The following PCDHGB3 variants were observed in gnomAD, a reference collection of about 807,000 sequenced individuals.
PCDHGB3 encodes the protein protocadherin gamma subfamily B, 3.
Under a neutral mutation model 59.2 loss-of-function variants are expected in PCDHGB3, and 40 were observed. That is an observed-to-expected ratio of 0.68 (90% CI 0.52 to 0.88). The LOEUF (loss-of-function observed/expected upper bound fraction) is 0.88, where lower values mean the gene tolerates loss of function less well. PCDHGB3 is among the 40% of genes least tolerant of loss of function. PCDHGB3 has a pLI of 0.00. For synonymous variants in PCDHGB3, 581 were observed against 503.6 expected (o/e 1.15, Z -2.06); for missense variants, 1,309 against 1,187.9 (o/e 1.10, Z -1.50).
intron 1 of PCDHGB3, among the ~76,000 whole-genome samples, chr5:141,446,065 G>T (rs1285093512): frequency 2.0e-5 from 3 of 152,306 alleles, no homozygotes; most frequent in African/African-American, 7.2e-5. Flanking sequence ...GATTAAAGGG[G>T]AGGCAGTGGA....
In PCDHGB3 at chr5:141,394,565, T is replaced by C. The variant is rs199836246; in HGVS notation, c.2415+21756T>C. ...AGCTGGCGCCCCGCTCCGCAGAGCG[T>C]GGCTACCTGGTGACCAAGGTGGTGG... On this transcript the variant is annotated intron_variant, in intron 1 of 3. Transcript: ENST00000576222. The C allele has an allele frequency of 4.7e-3, 7,555 of 1,612,722 alleles. 48 individuals carry two copies. The highest frequency in any genetic ancestry group is 9.5e-3 in the Admixed American group (567 of 59,986).
chr5:141,475,989 A>G, intron 1 of PCDHGB3: 1 of 1,130,622 alleles, frequency 8.8e-7, no homozygotes, highest in Non-Finnish European at 1.3e-6. Flanking sequence ...CCGGCGAGCA[A>G]ATCAACGGCA....
intron 1 of PCDHGB3, among the ~76,000 whole-genome samples, chr5:141,488,554 T>C (rs1313975033): frequency 6.6e-6 from 1 of 152,064 alleles, no homozygotes; most frequent in African/African-American, 2.4e-5. Context: ...CAGCTGACAT[T>C]GAGATTTCCG....
At position 141,370,282 on chromosome 5, in the gene PCDHGB3, G is replaced by C. The variant is rs1485340521; in HGVS notation, c.-113G>C. 2.1e-6 allele frequency: 2 copies of C among 938,746 alleles called. No homozygotes were observed. The highest frequency in any genetic ancestry group is 2.6e-5 in the East Asian group (1 of 38,810). The allele number at this position is 938,746 out of a possible 1,614,324, so 58.2% of individuals were successfully genotyped here. On this transcript the variant is annotated 5_prime_UTR_variant, in exon 1 of 4. Transcript: ENST00000576222. ...CTTCCTGCAGCGGAGACACCCATTA[G>C]AGAACCCAAGCACAAAGACAAAGCA...
intron 1 of PCDHGB3, among the ~76,000 whole-genome samples, chr5:141,462,035 C>G (rs35674654): frequency 2.0e-5 from 3 of 152,076 alleles, no homozygotes; most frequent in Non-Finnish European, 4.4e-5. Context: ...GTTGGTCAGG[C>G]GGGTCTTGAA....
rs773703641 is a variant in PCDHGB3, at chr5:141,477,856, G to A, written c.2416-16951G>A. On this transcript the variant is annotated intron_variant, in intron 1 of 3. Transcript: ENST00000576222. The surrounding 1 kb of genome is among the most constrained non-coding windows in gnomAD (Gnocchi z 4.9). ...CAGGTGGGAGCTCGGTGGAGATGCT[G>A]CCTCGAGGTACCTCAGCTGGCCACC... is the stretch of plus-strand genomic sequence containing the variant. 6.2e-7 allele frequency: 1 copy of A among 1,613,592 alleles called. No homozygotes were observed. Among genetic ancestry groups the A allele is most frequent in the Admixed American group, 1.7e-5 (1 of 59,976 alleles).
rs143138320 is a variant in PCDHGB3 at position 141,489,458 on chromosome 5, G to C, written c.2416-5349G>C. The stretch of plus-strand genomic sequence containing the variant: ...CAATTGGGCTCTGAGGAGAATGGGC[G>C]CTATTTTTCCCTGAGCTTGATGAGT... On this transcript the variant is annotated intron_variant, in intron 1 of 3. Coordinates refer to ENST00000576222, the MANE Select transcript of PCDHGB3 (RefSeq NM_018924.5). The surrounding 1 kb of genome is among the most constrained non-coding windows in gnomAD (Gnocchi z 4.5). 3.7e-6 allele frequency: 6 copies of C among 1,613,924 alleles called. No individual in the cohort carries two copies. The highest frequency in any genetic ancestry group is 5.1e-6 in the Non-Finnish European group (6 of 1,180,000).
At chr5:141,500,500 C>T (rs6872480) in intron 2 of PCDHGB3, among the ~76,000 whole-genome samples, 1,599 of 152,210 alleles carry the variant, frequency 0.011, 36 homozygotes, top group African/African-American at 0.036. Context: ...TGAGCCACCG[C>T]GCCTGGCCGA....
chr5:141,376,686 T>G (rs543583265), intron 1 of PCDHGB3: 153 of 814,322 alleles, frequency 1.9e-4, no homozygotes, highest in Middle Eastern at 1.5e-3. Flanking sequence ...GTTTTTTTTT[T>G]TTTTTTTTTT....
chr5:141,507,525 A>T (rs1053801558), intron 3 of PCDHGB3, among the ~76,000 whole-genome samples: 1 of 152,000 alleles, frequency 6.6e-6, no homozygotes, highest in Non-Finnish European at 1.5e-5. Context: ...ATGATTCCAG[A>T]GAGGCCAGAG....
intron 1 of PCDHGB3, chr5:141,403,291 A>T: frequency 6.2e-7 from 1 of 1,613,918 alleles, no homozygotes; most frequent in Non-Finnish European, 8.5e-7. Flanking sequence ...TTGAAGACAG[A>T]GTGAAACTGT....
intron 1 of PCDHGB3, chr5:141,388,422 C>T (rs68033444): frequency 0.056 from 89,796 of 1,613,752 alleles, 3,047 homozygotes; most frequent in African/African-American, 0.15. Flanking sequence ...TCATTTCTCA[C>T]TGATAAATAA....
At position 141,370,755 on chromosome 5, in the gene PCDHGB3, G is replaced by C; in HGVS notation, c.361G>C (p.Val121Leu). 1 of 1,613,972 alleles carries C rather than the reference G, an allele frequency of 6.2e-7. No homozygotes were observed. The highest frequency in any genetic ancestry group is 1.1e-5 in the South Asian group (1 of 91,086). ...GCCTTTAAACTTTTTTCATGTAACT[G>C]TGCTGATCCAGGATATTAACGACAA... ...EKPLNFFHVT[V>L]LIQDINDNPP... The change falls in exon 1 of 4, where the codon GTG becomes CTG. Residue 121 changes from valine to leucine, a missense_variant. Transcript: ENST00000576222.
rs754178145 is a variant in PCDHGB3 at position 141,489,423 on chromosome 5, C to G, written c.2416-5384C>G. On this transcript the variant is annotated intron_variant, in intron 1 of 3. Transcript: ENST00000576222. The surrounding 1 kb of genome is among the most constrained non-coding windows in gnomAD (Gnocchi z 4.5). ...GCTTAAAGATGACAGATCTGTTGAG[C>G]CGGCGGCTGCAATTGGGCTCTGAGG... 3 of 1,614,098 alleles carry G rather than the reference C, an allele frequency of 1.9e-6. No individual in the cohort carries two copies. The highest frequency in any genetic ancestry group is 1.7e-5 in the Admixed American group (1 of 60,020).
intron 1 of PCDHGB3, chr5:141,422,542 G>T (rs368252552): frequency 1.2e-5 from 19 of 1,613,878 alleles, no homozygotes; most frequent in Admixed American, 1.7e-5. Context: ...AGAAACTCAT[G>T]TCTGGCTGAA....
chr5:141,418,527 G>A, intron 1 of PCDHGB3: 2 of 1,614,018 alleles, frequency 1.2e-6, no homozygotes, highest in South Asian at 1.1e-5. Flanking sequence ...CCTCCCCGAA[G>A]CGGTACTGCT....
intron 1 of PCDHGB3, chr5:141,428,054 G>A (rs763394113): frequency 6.2e-7 from 1 of 1,609,038 alleles, no homozygotes; most frequent in Admixed American, 1.7e-5. Context: ...CCAAGGTGGT[G>A]GCGGTGGACG....
chr5:141,495,276 G>A (rs1350329744), intron 2 of PCDHGB3, among the ~76,000 whole-genome samples: 1 of 152,190 alleles, frequency 6.6e-6, no homozygotes, highest in East Asian at 1.9e-4. Flanking sequence ...GACCGGAGGA[G>A]GCGGTCCGCA....
Position 141,490,644 on chromosome 5 carries a change from T to G in PCDHGB3, c.2416-4163T>G, listed in dbSNP as rs772742713. 1 of 1,614,188 alleles carries G rather than the reference T, an allele frequency of 6.2e-7. No individual in the cohort carries two copies. Among genetic ancestry groups the G allele is most frequent in the Non-Finnish European group, 8.5e-7 (1 of 1,180,016 alleles). The stretch of plus-strand genomic sequence containing the variant: ...CTGCTTACATCCTAGAAAACCGGCC[T>G]CCGGGCTCCCTTCTTTGCACTGTGG... On this transcript the variant is annotated intron_variant, in intron 1 of 3. Transcript: ENST00000576222. The surrounding 1 kb of genome is among the most constrained non-coding windows in gnomAD (Gnocchi z 5.4).
Sources: allele counts gnomAD v4.1 joint callset (sites outside exome capture counted in the v4.1 genomes callset), GRCh38; gene constraint gnomAD v4.1.1; non-coding constraint Gnocchi (gnomAD v3.1); transcripts MANE v1.5; gene names NCBI Gene and HGNC (gene_info 2026-07-23, HGNC 2026-07-21).